B4GALT1: variants seen among roughly 807,000 people sequenced by gnomAD.
B4GALT1 encodes the protein beta-1,4-galactosyltransferase 1, also known as N-acetyllactosamine synthase.
Under a neutral mutation model 34.9 loss-of-function variants are expected in B4GALT1, and 16 were observed. The ratio of observed to expected loss-of-function variants is 0.46; its 90% CI spans 0.31 to 0.70. B4GALT1 has a LOEUF of 0.70. Ranked by LOEUF, B4GALT1 falls within the 30% of genes least tolerant of loss-of-function variation. The pLI is 0.05. For synonymous variants in B4GALT1, 221 were observed against 218.1 expected, an observed-to-expected ratio of 1.01 and a Z score of -0.12; for missense variants, 445 against 530.5, an observed-to-expected ratio of 0.84 and a Z score of 1.58.
Position 33,116,076 on chromosome 9 carries a change from G to T in B4GALT1, c.874C>A (p.Leu292Ile). The T allele has an allele frequency of 1.2e-6, 2 of 1,613,556 alleles. No homozygotes were observed. The highest frequency in any genetic ancestry group is 2.2e-5 in the South Asian group (2 of 91,050). Residue 292 changes from leucine to isoleucine, a missense_variant, in exon 4 of 6, where the codon CTA becomes ATA. Around this residue, in one of 3 missense-constraint regions of B4GALT1, gnomAD observed 349 missense variants for 395.5 expected, o/e 0.88. Transcript: ENST00000379731. Reference sequence around the variant, plus strand: ...ATGGTTAGAAACTGTTGTTTACTTAGAGCAGAGACACCTCCAAAATACTGA... The same window carrying T: ...ATGGTTAGAAACTGTTGTTTACTTATAGCAGAGACACCTCCAAAATACTGA... ...YVQYFGGVSA[L>I]SKQQFLTING...
chr9:33,138,895 A>G (rs561085989), intron 1 of B4GALT1, among the ~76,000 whole-genome samples: 1 of 152,150 alleles, frequency 6.6e-6, no homozygotes, highest in Admixed American at 6.5e-5. Context: ...GCAGAAGCTG[A>G]TACCCGGGTG....
intron 1 of B4GALT1, among the ~76,000 whole-genome samples, chr9:33,157,967 G>A (rs1326532132): frequency 1.3e-5 from 2 of 152,288 alleles, no homozygotes; most frequent in East Asian, 3.9e-4. Flanking sequence ...GTGACAGAAA[G>A]AAACATTCCT....
chr9:33,126,585 C>T (rs1472631776), intron 2 of B4GALT1, among the ~76,000 whole-genome samples: 2 of 27,786 alleles, frequency 7.2e-5, no homozygotes. Flanking sequence ...CAGCTGGGCT[C>T]TAGTTGTTAA....
chr9:33,176,797 T>C, the B4GALT1 span, among the ~76,000 whole-genome samples: 7 of 151,744 alleles, frequency 4.6e-5, no homozygotes, highest in Non-Finnish European at 8.8e-5. Context: ...CATCATGCAA[T>C]ATACTCATAT....
chr9:33,135,530 C>A (rs1186974407), intron 1 of B4GALT1, 106 bp from the exon 2 acceptor site: 17 of 1,201,000 alleles, frequency 1.4e-5, no homozygotes, highest in African/African-American at 3.0e-5. Context: ...GAGGAAATGT[C>A]TCCTCCTGGG....
chr9:33,116,670 G>A (rs1564036518), intron 3 of B4GALT1, among the ~76,000 whole-genome samples: 1 of 151,892 alleles, frequency 6.6e-6, no homozygotes, highest in Non-Finnish European at 1.5e-5. Flanking sequence ...CTACAGGCGT[G>A]TGCCACCACA....
upstream of B4GALT1, among the ~76,000 whole-genome samples, chr9:33,168,522 T>G (rs963574477): frequency 2.0e-5 from 3 of 152,234 alleles, no homozygotes; most frequent in African/African-American, 4.8e-5. Context: ...GTAGGTGGTG[T>G]TACGGTGTCC....
chr9:33,164,108 A>G (rs1840714629), intron 1 of B4GALT1, among the ~76,000 whole-genome samples: 1 of 152,154 alleles, frequency 6.6e-6, no homozygotes, highest in Non-Finnish European at 1.5e-5. Flanking sequence ...GTTTGCCCAT[A>G]ACCCACACCT....
intron 1 of B4GALT1, among the ~76,000 whole-genome samples, chr9:33,151,937 T>A (rs1356662401): frequency 6.6e-6 from 1 of 152,110 alleles, no homozygotes; most frequent in Non-Finnish European, 1.5e-5. Flanking sequence ...GGAGAAAAAT[T>A]TTATCATTTT....
At chr9:33,139,977 C>T (rs544196802) in intron 1 of B4GALT1, among the ~76,000 whole-genome samples, 2 of 152,252 alleles carry the variant, frequency 1.3e-5, no homozygotes, top group African/African-American at 2.4e-5. Context: ...AGCCCCGCCA[C>T]GTGGGCCTCT....
chr9:33,145,332 G>C (rs1840410174), intron 1 of B4GALT1, among the ~76,000 whole-genome samples: 1 of 152,256 alleles, frequency 6.6e-6, no homozygotes, highest in South Asian at 2.1e-4. Flanking sequence ...GCCTCACATA[G>C]CCACACCAAA....
chr9:33,142,422 G>A (rs1840365721), intron 1 of B4GALT1, among the ~76,000 whole-genome samples: 1 of 152,154 alleles, frequency 6.6e-6, no homozygotes, highest in Non-Finnish European at 1.5e-5. Flanking sequence ...TAGTAAGGAA[G>A]TATCTTCCAA....
chr9:33,115,842 G>A, intron 4 of B4GALT1, 149 bp downstream of exon 4: 4 of 996,550 alleles, frequency 4.0e-6, no homozygotes, highest in Non-Finnish European at 6.1e-6. Context: ...AGCACCTGCA[G>A]GACCTGTAGG....
Position 33,111,674 on chromosome 9 carries a change from G to A in B4GALT1, c.*1780C>T, listed in dbSNP as rs1839864797. On this transcript the variant is annotated 3_prime_UTR_variant, in exon 6 of 6. Transcript: ENST00000379731. Reference sequence around the variant, plus strand: ...CTGAGGGCTGGTACCCAGGAGGGCAGTGGTTTGGGGTCCGCCACGAGCACA... The same window carrying A: ...CTGAGGGCTGGTACCCAGGAGGGCAATGGTTTGGGGTCCGCCACGAGCACA... 1 of 152,696 alleles carries A rather than the reference G, an allele frequency of 6.5e-6. No individual in the cohort carries two copies. Among genetic ancestry groups the A allele is most frequent in the African/African-American group, 2.4e-5 (1 of 41,446 alleles). 9.5% of individuals were successfully genotyped at this position (152,696 alleles called of 1,614,324 possible).
intron 1 of B4GALT1, among the ~76,000 whole-genome samples, chr9:33,162,670 C>T (rs373716396): frequency 1.3e-5 from 2 of 152,302 alleles, no homozygotes; most frequent in East Asian, 1.9e-4. Context: ...TCGTGGAATG[C>T]TACAGTTCTA....
upstream of B4GALT1, among the ~76,000 whole-genome samples, chr9:33,169,944 C>T (rs1398597432): frequency 6.6e-6 from 1 of 151,136 alleles, no homozygotes; most frequent in Non-Finnish European, 1.5e-5. Context: ...CTCTCTTGTT[C>T]ACTACTGTAT....
At chr9:33,152,210 A>T (rs749122837) in intron 1 of B4GALT1, among the ~76,000 whole-genome samples, 7 of 152,162 alleles carry the variant, frequency 4.6e-5, no homozygotes, top group Middle Eastern at 6.8e-3. Context: ...AAGCTGAGGC[A>T]GGAGAATCGC....
chr9:33,180,711 C>G, the B4GALT1 span, among the ~76,000 whole-genome samples: 3 of 152,150 alleles, frequency 2.0e-5, no homozygotes, highest in Non-Finnish European at 4.4e-5. Flanking sequence ...TGGGAATGAC[C>G]GAGCCAATTC....
chr9:33,143,546 G>T (rs568236197), intron 1 of B4GALT1, among the ~76,000 whole-genome samples: 1 of 152,358 alleles, frequency 6.6e-6, no homozygotes, highest in Non-Finnish European at 1.5e-5. Context: ...AGAAGTATGT[G>T]AATTTACAGG....
Sources: allele counts gnomAD v4.1 joint callset (sites outside exome capture counted in the v4.1 genomes callset), GRCh38; gene constraint gnomAD v4.1.1; regional missense constraint gnomAD v4.1.1; transcripts MANE v1.5; gene names NCBI Gene and HGNC (gene_info 2026-07-23, HGNC 2026-07-21).